Variants in DLG2 observed in about 807,000 individuals in gnomAD.
DLG2 encodes the protein discs large MAGUK scaffold protein 2.
DLG2 carries 45 observed loss-of-function variants against 132.5 expected under a neutral mutation model. The observed-to-expected ratio is 0.34, with a 90% CI of 0.27 to 0.44. DLG2 has a LOEUF of 0.44. DLG2 is among the 20% of genes least tolerant of loss of function. DLG2 has a pLI of 1.00. For synonymous variants in DLG2, 424 were observed against 419.6 expected (o/e 1.01, Z -0.13); for missense variants, 1,045 against 1,196.9 (o/e 0.87, Z 1.87).
At chr11:84,174,365 T>A (rs2095897707) in intron 8 of DLG2, among the ~76,000 whole-genome samples, 1 of 152,060 alleles carries the variant, frequency 6.6e-6, no homozygotes, top group Non-Finnish European at 1.5e-5. Flanking sequence ...TCAAGTAGCT[T>A]CAATAATTTT....
At chr11:84,969,715 A>C (rs1015565703) in intron 6 of DLG2, among the ~76,000 whole-genome samples, 2 of 152,210 alleles carry the variant, frequency 1.3e-5, no homozygotes, top group African/African-American at 4.8e-5. Flanking sequence ...GAAAAGACAC[A>C]TGCACATGTT....
At chr11:83,685,670 C>CTGTAGATCAAAGGCTACCACA in intron 18 of DLG2, among the ~76,000 whole-genome samples, 1 of 152,202 alleles carries the variant, frequency 6.6e-6, no homozygotes, top group African/African-American at 2.4e-5. Context: ...AAAATGCCAT[C>CTGTAGATCAAAGGCTACCACA]TGTAGATCAA....
chr11:84,088,014 C>T (rs2097020275), intron 10 of DLG2, among the ~76,000 whole-genome samples: 2 of 152,190 alleles, frequency 1.3e-5, no homozygotes, highest in South Asian at 4.1e-4. Flanking sequence ...AGTTTTATTA[C>T]ACATTCCGGA....
chr11:83,624,523 T>A (rs725192), intron 19 of DLG2, among the ~76,000 whole-genome samples: 1 of 152,036 alleles, frequency 6.6e-6, no homozygotes, highest in African/African-American at 2.4e-5. Context: ...AAAATATAAA[T>A]GAAGAATCAA....
At chr11:85,230,127 G>A (rs1374835217) in intron 4 of DLG2, among the ~76,000 whole-genome samples, 1 of 151,886 alleles carries the variant, frequency 6.6e-6, no homozygotes. Flanking sequence ...TTAAAGTATT[G>A]TTTAAAAAAT....
chr11:84,930,743 T>G (rs974044727), intron 6 of DLG2, among the ~76,000 whole-genome samples: 2 of 152,186 alleles, frequency 1.3e-5, no homozygotes, highest in Non-Finnish European at 2.9e-5. Flanking sequence ...TGGATCTTTC[T>G]CTCTTCGTGA....
chr11:84,338,504 A>G (rs1317050653), intron 7 of DLG2, among the ~76,000 whole-genome samples: 1 of 152,206 alleles, frequency 6.6e-6, no homozygotes, highest in Admixed American at 6.5e-5. Context: ...CTTAACAACT[A>G]TGAGCCTCCG....
intron 12 of DLG2, among the ~76,000 whole-genome samples, chr11:83,974,049 A>C (rs1336826877): frequency 6.6e-6 from 1 of 152,092 alleles, no homozygotes; most frequent in Admixed American, 6.6e-5. Flanking sequence ...AGAATAAATG[A>C]GGTGTTGTAG....
intron 3 of DLG2, among the ~76,000 whole-genome samples, chr11:85,421,506 G>T (rs1027329791): frequency 6.6e-6 from 1 of 150,620 alleles, no homozygotes; most frequent in Non-Finnish European, 1.5e-5. Flanking sequence ...GTGTCCATTT[G>T]CCTGAAATGT....
chr11:85,249,721 T>A (rs1293010445), intron 4 of DLG2, among the ~76,000 whole-genome samples: 1 of 152,062 alleles, frequency 6.6e-6, no homozygotes, highest in African/African-American at 2.4e-5. Context: ...ACAATGAGAA[T>A]GCAAGCTGGA....
At chr11:83,560,234 C>G (rs1298273022) in intron 19 of DLG2, among the ~76,000 whole-genome samples, 2 of 152,020 alleles carry the variant, frequency 1.3e-5, no homozygotes, top group African/African-American at 2.4e-5. Flanking sequence ...TCTCTTGCCT[C>G]AGCCTCTGGA....
chr11:84,816,624 G>A (rs1487467693), intron 6 of DLG2, among the ~76,000 whole-genome samples: 1 of 151,766 alleles, frequency 6.6e-6, no homozygotes, highest in Non-Finnish European at 1.5e-5. Flanking sequence ...TAACAGCCCT[G>A]CAAGAAAGCT....
At chr11:84,746,045 G>A (rs936278005) in intron 6 of DLG2, among the ~76,000 whole-genome samples, 2 of 151,978 alleles carry the variant, frequency 1.3e-5, no homozygotes, top group Admixed American at 6.6e-5. Flanking sequence ...AGAAGTGAGA[G>A]GTACAAAAAT....
At chr11:85,624,033 A>G (rs1019760943) in intron 2 of DLG2, among the ~76,000 whole-genome samples, 1 of 152,228 alleles carries the variant, frequency 6.6e-6, no homozygotes, top group African/African-American at 2.4e-5. Context: ...ACTATAGATA[A>G]GAAAATCTTG....
intron 21 of DLG2, among the ~76,000 whole-genome samples, chr11:83,500,984 A>T (rs1262661837): frequency 3.9e-5 from 6 of 152,156 alleles, no homozygotes; most frequent in Non-Finnish European, 8.8e-5. Flanking sequence ...ACTATGGCTT[A>T]TACTACAACT....
chr11:83,859,254 C>T (rs1481802705), intron 16 of DLG2, among the ~76,000 whole-genome samples: 2 of 152,068 alleles, frequency 1.3e-5, no homozygotes. Context: ...AGAGGCTGGA[C>T]CAGTTTGGAG....
chr11:83,946,909 T>A (rs1394679521), intron 14 of DLG2, among the ~76,000 whole-genome samples: 1 of 152,206 alleles, frequency 6.6e-6, no homozygotes, highest in East Asian at 1.9e-4. Context: ...TCCAACATAG[T>A]TTCCCTTAGT....
intron 7 of DLG2, among the ~76,000 whole-genome samples, chr11:84,313,612 AG>A (rs1221530435): frequency 1.5e-5 from 2 of 137,194 alleles, no homozygotes; most frequent in Non-Finnish European, 3.2e-5. Flanking sequence ...GAAGGAAAGA[AG>A]GAAAAAGAAA....
At chr11:83,967,353 T>C (rs920162104) in intron 12 of DLG2, among the ~76,000 whole-genome samples, 13 of 152,054 alleles carry the variant, frequency 8.5e-5, no homozygotes, top group Admixed American at 2.6e-4. Flanking sequence ...TCCCAATCAA[T>C]AGTGTACAAG....
Sources: gnomAD v4.1 joint callset for allele counts (sites outside exome capture counted in the v4.1 genomes callset) on GRCh38, gnomAD v4.1.1 for gene constraint, MANE v1.5 for transcripts, NCBI Gene and HGNC (gene_info 2026-07-23, HGNC 2026-07-21) for gene names.